The following RIN2 variants were observed in gnomAD, a reference collection of about 807,000 sequenced individuals.
RIN2 encodes the protein Ras and Rab interactor 2.
A neutral mutation model predicts 78.0 loss-of-function variants in RIN2; 36 were observed. The observed-to-expected ratio is 0.46, with a 90% CI of 0.35 to 0.61. RIN2 has a LOEUF of 0.61. Ranked by LOEUF, RIN2 falls within the 20% of genes least tolerant of loss-of-function variation. The pLI is 0.00. For synonymous variants in RIN2, 466 were observed against 466.8 expected, an observed-to-expected ratio of 1.00 and a Z score of 0.02; for missense variants, 1,087 against 1,159.7, an observed-to-expected ratio of 0.94 and a Z score of 0.91.
intron 4 of RIN2, among the ~76,000 whole-genome samples, chr20:19,935,993 T>C (rs1364917968): frequency 1.3e-5 from 2 of 152,206 alleles, no homozygotes; most frequent in Non-Finnish European, 2.9e-5. Flanking sequence ...CTGAGATTTA[T>C]GGAGTAGGTT....
chr20:19,782,438 G>A (rs1044907262), intron 1 of RIN2, among the ~76,000 whole-genome samples: 4 of 151,888 alleles, frequency 2.6e-5, no homozygotes, highest in Non-Finnish European at 5.9e-5. Context: ...GGTGATGCAC[G>A]CCTGTAGTCC....
At chr20:19,942,536 C>T (rs1037014948) in intron 4 of RIN2, among the ~76,000 whole-genome samples, 5 of 152,132 alleles carry the variant, frequency 3.3e-5, no homozygotes, top group Admixed American at 6.5e-5. Flanking sequence ...AAACAACACC[C>T]TGACCCCGAC....
intron 1 of RIN2, among the ~76,000 whole-genome samples, chr20:19,759,660 T>C (rs1232235396): frequency 6.6e-6 from 1 of 151,220 alleles, no homozygotes; most frequent in African/African-American, 2.4e-5. Context: ...AGGTCAGGAG[T>C]TCAAGACCAG....
intron 2 of RIN2, among the ~76,000 whole-genome samples, chr20:19,887,646 C>T (rs1268166888): frequency 6.6e-6 from 1 of 152,086 alleles, no homozygotes; most frequent in Non-Finnish European, 1.5e-5. Flanking sequence ...ATTTCTGGAA[C>T]CTAAACTGCT....
intron 3 of RIN2, among the ~76,000 whole-genome samples, chr20:19,897,285 T>C (rs2038776346): frequency 6.6e-6 from 1 of 152,170 alleles, no homozygotes; most frequent in African/African-American, 2.4e-5. Context: ...TTTTTTGGAT[T>C]TTTAGTAGAG....
At chr20:19,810,322 C>T (rs1182490603) in intron 2 of RIN2, among the ~76,000 whole-genome samples, 1 of 151,412 alleles carries the variant, frequency 6.6e-6, no homozygotes, top group African/African-American at 2.4e-5. Context: ...GCATGAGAAT[C>T]ACTTGAACCT....
intron 3 of RIN2, among the ~76,000 whole-genome samples, chr20:19,923,492 T>TAAAATAAAATAAAATAAAA (rs1568614036): frequency 7.8e-5 from 11 of 140,378 alleles, no homozygotes; most frequent in African/African-American, 2.5e-4. Context: ...ATAAAATAAA[T>TAAAATAAAATAAAATAAAA]ATTGGCTGAG....
chr20:19,935,453 A>G, intron 4 of RIN2: 1 of 1,253,458 alleles, frequency 8.0e-7, no homozygotes, highest in Non-Finnish European at 1.0e-6. Context: ...CGGAAACCTA[A>G]AATTGTCTGT....
chr20:19,939,398 C>A (rs572727441), intron 4 of RIN2, among the ~76,000 whole-genome samples: 3 of 152,336 alleles, frequency 2.0e-5, no homozygotes, highest in Admixed American at 2.0e-4. Flanking sequence ...AGCACCACTG[C>A]AGTAGCCCCT....
At position 19,853,207 on chromosome 20, in the gene RIN2, T is replaced by A. The variant is rs1198343383; in HGVS notation, c.-36-36359T>A. On this transcript the variant is annotated intron_variant, in intron 2 of 12. Coordinates refer to ENST00000255006, the MANE Select transcript of RIN2 (RefSeq NM_018993.4). The stretch of plus-strand genomic sequence containing the variant: ...TTCATCCATGTCCCTACAAAGGACA[T>A]GAACTCATCCTTTTTTATGGCTGCA... Among the ~76,000 whole-genome samples the A allele has an allele frequency of 2.0e-5, 3 of 152,110 alleles. 1 individual carries two copies.
chr20:19,905,635 T>C (rs2039185182), intron 3 of RIN2, among the ~76,000 whole-genome samples: 1 of 152,102 alleles, frequency 6.6e-6, no homozygotes, highest in African/African-American at 2.4e-5. Context: ...TAGTCCCAGG[T>C]GCTCCTGGAG....
chr20:19,938,579 G>C (rs1417116040), intron 4 of RIN2, among the ~76,000 whole-genome samples: 1 of 151,910 alleles, frequency 6.6e-6, no homozygotes. Flanking sequence ...CACTAACTTT[G>C]TACAAGGTAC....
Position 19,968,857 on chromosome 20 carries a change from A to C in RIN2, c.537-1981A>C, listed in dbSNP as rs1040409531. 5.3e-5 allele frequency among the ~76,000 whole-genome samples: 8 copies of C among 152,144 alleles called. No individual in the cohort carries two copies. The South Asian group carries it at 6.2e-4, about 12-fold the overall frequency. On this transcript the variant is annotated intron_variant, in intron 7 of 12. Transcript: ENST00000255006. ...CCATTAATCTTCACTTGAGATTAGC[A>C]TCAGGGTTGCCGCCCTGCCAGGTCA...
chr20:19,844,653 T>TC (rs1349437423), intron 2 of RIN2, among the ~76,000 whole-genome samples: 33 of 111,372 alleles, frequency 3.0e-4, no homozygotes, highest in African/African-American at 8.6e-4. Flanking sequence ...TTCTTCTTCT[T>TC]CTTCTTCTTC....
chr20:19,987,123 G>A (rs961801727), intron 9 of RIN2, among the ~76,000 whole-genome samples: 27 of 152,364 alleles, frequency 1.8e-4, no homozygotes, highest in South Asian at 1.0e-3. Flanking sequence ...AGTAATGTGA[G>A]CTTTTTCATT....
intron 1 of RIN2, among the ~76,000 whole-genome samples, chr20:19,762,756 T>TTTTATTTATTTATTTA (rs3059547): frequency 3.3e-5 from 5 of 151,264 alleles, no homozygotes; most frequent in East Asian, 3.9e-4. Flanking sequence ...ATGTGATTTA[T>TTTTATTTATTTATTTA]TTTATTTATT....
chr20:19,833,707 G>A (rs1568795012), intron 2 of RIN2, among the ~76,000 whole-genome samples: 1 of 152,190 alleles, frequency 6.6e-6, no homozygotes, highest in Non-Finnish European at 1.5e-5. Flanking sequence ...GCCTGGGCTG[G>A]TGCCCCACCG....
At chr20:19,945,312 T>C (rs1216777311) in intron 4 of RIN2, among the ~76,000 whole-genome samples, 2 of 151,700 alleles carry the variant, frequency 1.3e-5, no homozygotes, top group African/African-American at 4.8e-5. Context: ...AAAATAGCAT[T>C]GTGATTTCAG....
intron 3 of RIN2, among the ~76,000 whole-genome samples, chr20:19,892,286 G>T (rs6136876): frequency 6.6e-6 from 1 of 152,062 alleles, no homozygotes; most frequent in Non-Finnish European, 1.5e-5. Context: ...GTGCGATCTC[G>T]GCTCACTGCA....
Sources: gnomAD v4.1 joint callset for allele counts (sites outside exome capture counted in the v4.1 genomes callset) on GRCh38, gnomAD v4.1.1 for gene constraint, MANE v1.5 for transcripts, NCBI Gene and HGNC (gene_info 2026-07-23, HGNC 2026-07-21) for gene names.